TLN2: variants seen among roughly 807,000 people sequenced by gnomAD.
TLN2 encodes the protein talin 2, also known as talin-2.
TLN2 carries 118 observed loss-of-function variants against 294.7 expected under a neutral mutation model. That is an observed-to-expected ratio of 0.40 (90% CI 0.34 to 0.47). The LOEUF (loss-of-function observed/expected upper bound fraction) is 0.47. Ranked by LOEUF, TLN2 falls within the 20% of genes least tolerant of loss-of-function variation. The pLI, the probability that TLN2 is intolerant of heterozygous loss-of-function variation, is 0.84. For synonymous variants in TLN2, 1,431 were observed against 1,304.5 expected (o/e 1.10, Z -2.09); for missense variants, 3,083 against 3,282.2 (o/e 0.94, Z 1.48).
chr15:62,705,526 C>T (rs201743898), intron 19 of TLN2, among the ~76,000 whole-genome samples: 2 of 152,262 alleles, frequency 1.3e-5, no homozygotes, highest in East Asian at 3.9e-4. Context: ...ATAAGAGGAA[C>T]AGGATTTCTT....
chr15:62,720,788 C>T (rs1414427667), intron 25 of TLN2, among the ~76,000 whole-genome samples: 2 of 151,950 alleles, frequency 1.3e-5, no homozygotes, highest in Non-Finnish European at 2.9e-5. Flanking sequence ...TGACTATACT[C>T]TTCATTTAAC....
intron 32 of TLN2, among the ~76,000 whole-genome samples, chr15:62,746,276 C>T (rs2061604556): frequency 6.6e-6 from 1 of 152,166 alleles, no homozygotes; most frequent in African/African-American, 2.4e-5. Flanking sequence ...AAGCGTGTCT[C>T]AAGGCCACCA....
At chr15:62,771,235 G>A (rs963863955) in intron 42 of TLN2, 101 bp downstream of exon 42, 7 of 1,320,596 alleles carry the variant, frequency 5.3e-6, no homozygotes, top group African/African-American at 1.5e-5. Context: ...TCCAGTTCTT[G>A]CTGGTGGCAT....
At chr15:62,487,372 C>T (rs938355306) in intron 1 of TLN2, among the ~76,000 whole-genome samples, 2 of 152,176 alleles carry the variant, frequency 1.3e-5, no homozygotes, top group East Asian at 1.9e-4. Context: ...CTTCTTAGAG[C>T]TCTGGATGTT....
At chr15:62,437,990 C>T (rs892526844) in intron 1 of TLN2, among the ~76,000 whole-genome samples, 2 of 152,190 alleles carry the variant, frequency 1.3e-5, no homozygotes, top group African/African-American at 2.4e-5. Context: ...TTCCCACTCT[C>T]GCCTCTGGTG....
chr15:62,654,904 C>G (rs1458163080), intron 7 of TLN2, among the ~76,000 whole-genome samples: 1 of 152,012 alleles, frequency 6.6e-6, no homozygotes, highest in Non-Finnish European at 1.5e-5. Flanking sequence ...CTGCCTGACC[C>G]TCCACTGAAA....
intron 9 of TLN2, among the ~76,000 whole-genome samples, chr15:62,669,876 A>G (rs886408010): frequency 2.6e-5 from 4 of 152,106 alleles, no homozygotes; most frequent in Admixed American, 6.5e-5. Context: ...CACACTATTC[A>G]TATCTTAAAA....
At chr15:62,658,198 G>A (rs2053437001) in intron 9 of TLN2, 3 of 203,664 alleles carry the variant, frequency 1.5e-5, no homozygotes, top group Non-Finnish European at 2.8e-5. Flanking sequence ...AAAAAAAACC[G>A]CTCCAGTAGG....
intron 22 of TLN2, 92 bp downstream of exon 22, chr15:62,712,169 T>A: frequency 6.8e-7 from 1 of 1,480,816 alleles, no homozygotes; most frequent in Admixed American, 2.0e-5. Flanking sequence ...GTCATCCGAG[T>A]GTGCATTTTT....
At chr15:62,532,269 G>GT (rs200511637) in intron 1 of TLN2, among the ~76,000 whole-genome samples, 2,899 of 151,960 alleles carry the variant, frequency 0.019, 33 homozygotes, top group Non-Finnish European at 0.028. Context: ...TGTTCTGTTT[G>GT]TTTTTTTAGT....
chr15:62,660,095 T>C (rs1037805687), intron 9 of TLN2, among the ~76,000 whole-genome samples: 1 of 152,218 alleles, frequency 6.6e-6, no homozygotes, highest in African/African-American at 2.4e-5. Flanking sequence ...CTTGTGACAG[T>C]CATGCTGAAG....
intron 3 of TLN2, among the ~76,000 whole-genome samples, chr15:62,620,589 C>T (rs930963931): frequency 1.3e-5 from 2 of 152,050 alleles, no homozygotes; most frequent in Admixed American, 6.5e-5. Flanking sequence ...AGCAATCCTC[C>T]TACCTCAGCC....
intron 1 of TLN2, among the ~76,000 whole-genome samples, chr15:62,404,084 T>C (rs976031125): frequency 2.0e-5 from 3 of 152,202 alleles, no homozygotes; most frequent in African/African-American, 4.8e-5. Flanking sequence ...ATGGAAGTCT[T>C]TTCCAGACTT....
intron 28 of TLN2, among the ~76,000 whole-genome samples, chr15:62,736,118 C>G (rs972817984): frequency 1.3e-5 from 2 of 152,002 alleles, no homozygotes; most frequent in Non-Finnish European, 2.9e-5. Context: ...CGAGACCATC[C>G]TGGCTAACAC....
intron 34 of TLN2, among the ~76,000 whole-genome samples, chr15:62,751,690 C>G (rs1322074066): frequency 6.6e-6 from 1 of 152,208 alleles, no homozygotes; most frequent in Non-Finnish European, 1.5e-5. Flanking sequence ...ATTGGGCACC[C>G]TGTACCTGCC....
chr15:62,641,021 C>G (rs1299407311), intron 3 of TLN2, among the ~76,000 whole-genome samples: 1 of 151,534 alleles, frequency 6.6e-6, no homozygotes, highest in Non-Finnish European at 1.5e-5. Flanking sequence ...AGGCTGGTCT[C>G]AAACTCCTGA....
intron 1 of TLN2, among the ~76,000 whole-genome samples, chr15:62,411,303 T>TATATC (rs1466964602): frequency 2.0e-5 from 3 of 152,212 alleles, no homozygotes; most frequent in Non-Finnish European, 4.4e-5. Flanking sequence ...GTAAAACGTG[T>TATATC]ATATCATCCC....
intron 51 of TLN2, among the ~76,000 whole-genome samples, chr15:62,808,042 C>T (rs1277443073): frequency 6.6e-6 from 1 of 152,046 alleles, no homozygotes; most frequent in African/African-American, 2.4e-5. Context: ...GCAGAAGGGC[C>T]GAGTCGCCCT....
At chr15:62,755,881 G>GC (rs1391647178) in intron 37 of TLN2, among the ~76,000 whole-genome samples, 188 bp downstream of exon 37, 1 of 152,178 alleles carries the variant, frequency 6.6e-6, no homozygotes, top group Non-Finnish European at 1.5e-5. Flanking sequence ...AAACCAACAG[G>GC]CTTGGGCTCT....
Sources: allele counts gnomAD v4.1 joint callset (sites outside exome capture counted in the v4.1 genomes callset), GRCh38; gene constraint gnomAD v4.1.1; transcripts MANE v1.5; gene names NCBI Gene and HGNC (gene_info 2026-07-23, HGNC 2026-07-21).